The following AZIN2 variants were observed in gnomAD, a reference collection of about 807,000 sequenced individuals.
The protein encoded by AZIN2 is ODC antizyme inhibitor-2.
A neutral mutation model predicts 47.8 loss-of-function variants in AZIN2; 28 were observed. The observed-to-expected ratio is 0.59, with a 90% CI of 0.43 to 0.80. The LOEUF (loss-of-function observed/expected upper bound fraction) is 0.80, where lower values mean the gene tolerates loss of function less well. Ranked by LOEUF, AZIN2 falls within the 30% of genes least tolerant of loss-of-function variation. AZIN2 has a pLI of 0.00. For synonymous variants in AZIN2, 221 were observed against 239.4 expected, an observed-to-expected ratio of 0.92 and a Z score of 0.71; for missense variants, 535 against 582.5, an observed-to-expected ratio of 0.92 and a Z score of 0.84.
rs549621172 is a variant in AZIN2, at chr1:33,106,983, T to C, written c.1029+8804T>C. Among the ~76,000 whole-genome samples the C allele has an allele frequency of 4.6e-5, 7 of 152,310 alleles. No homozygotes were observed. The South Asian group carries it at 1.5e-3, about 32-fold the overall frequency. On this transcript the variant is annotated intron_variant, in intron 10 of 11. Transcript: ENST00000294517. ...TTGTCTCTGTTTGCAGATGACATTA[T>C]CTTATATATAGAAAACTCTAAGGCT...
Position 33,122,459 on chromosome 1 carries a change from A to T in AZIN2, c.*2277A>T, listed in dbSNP as rs1644812898. ...GGCTTACTTGAGGATAATAGTTAAT[A>T]GTCATTTTTTCCCAGTTATTTGTTT... On this transcript the variant is annotated 3_prime_UTR_variant, in exon 12 of 12. Transcript: ENST00000294517. Among the ~76,000 whole-genome samples the T allele has an allele frequency of 6.6e-6, 1 of 152,260 alleles. No individual in the cohort carries two copies. The highest frequency in any genetic ancestry group is 1.5e-5 in the Non-Finnish European group (1 of 68,048).
At chr1:33,129,472 T>A in the AZIN2 span, among the ~76,000 whole-genome samples, 7 of 152,230 alleles carry the variant, frequency 4.6e-5, no homozygotes, top group Non-Finnish European at 1.0e-4. This position sits in a 1 kb window ranked among gnomAD's most constrained non-coding sequence, Gnocchi z 4.1. Context: ...AAATTCTACC[T>A]CATTTTAATG....
chr1:33,117,614 C>A (rs1022492342), intron 10 of AZIN2, among the ~76,000 whole-genome samples: 3 of 152,150 alleles, frequency 2.0e-5, no homozygotes, highest in Admixed American at 6.5e-5. Flanking sequence ...CTGTTGTTAT[C>A]CCCATTTTAC....
At chr1:33,160,080 C>T in the AZIN2 span, 1 of 1,085,890 alleles carries the variant, frequency 9.2e-7, no homozygotes. Context: ...GGAAATGTCA[C>T]ATGCAAAAGC....
chr1:33,100,943 C>T (rs1643635833), intron 10 of AZIN2, among the ~76,000 whole-genome samples: 1 of 151,334 alleles, frequency 6.6e-6, no homozygotes, highest in Non-Finnish European at 1.5e-5. Context: ...CTCACTGCAA[C>T]CTCTGCCTCC....
chr1:33,165,373 AC>A, the AZIN2 span: 22 of 1,150,366 alleles, frequency 1.9e-5, no homozygotes, highest in South Asian at 1.1e-4. The surrounding 1 kb of genome is among the most constrained non-coding windows in gnomAD (Gnocchi z 4.0). Context: ...TTTCCACCGC[AC>A]ACCCGAGGCC....
At chr1:33,083,189 G>A (rs576995520) in intron 4 of AZIN2, 1 of 152,926 alleles carries the variant, frequency 6.5e-6, no homozygotes, top group South Asian at 2.1e-4. Context: ...AGCTCCTTCA[G>A]AACAACAGTA....
At chr1:33,158,483 G>T in the AZIN2 span, 1 of 757,324 alleles carries the variant, frequency 1.3e-6, no homozygotes, top group Admixed American at 2.1e-5. Context: ...TGAGTGAGAA[G>T]TCTGTGGGAC....
At chr1:33,147,685 C>T in the AZIN2 span, 10 of 1,613,360 alleles carry the variant, frequency 6.2e-6, no homozygotes, top group African/African-American at 1.3e-5. The surrounding 1 kb of genome is among the most constrained non-coding windows in gnomAD (Gnocchi z 8.1). Flanking sequence ...CAGGATCAGG[C>T]GCTGGTGGGC....
In AZIN2 at chr1:33,120,146, C is replaced by G; in HGVS notation, c.1347C>G (p.Cys449Trp). The G allele has an allele frequency of 6.2e-7, 1 of 1,613,456 alleles. No individual in the cohort carries two copies. Among genetic ancestry groups the G allele is most frequent in the Non-Finnish European group, 8.5e-7 (1 of 1,179,512 alleles). ...SCGWEITDTL[C>W]VGPVFTPASI... ...GCTGGGAGATCACAGACACCCTGTG[C>G]GTGGGCCCTGTCTTCACCCCAGCGA... The change falls in exon 12 of 12, where the codon TGC becomes TGG. Residue 449 changes from cysteine to tryptophan, a missense_variant. By Grantham distance (215) the Cys-to-Trp change is radical (BLOSUM62 -2). This residue lies in a region of AZIN2 where 122 missense variants were observed against 135.8 expected (regional missense o/e 0.90). Transcript: ENST00000294517.
chr1:33,093,270 G>A lies in AZIN2; in HGVS notation c.453-12G>A, dbSNP rs562369954. 2.6e-5 allele frequency: 42 copies of A among 1,613,702 alleles called. No homozygotes were observed. The highest frequency in any genetic ancestry group is 4.0e-5 in the African/African-American group (3 of 75,008). On this transcript the variant is annotated splice_polypyrimidine_tract_variant and intron_variant, in intron 6 of 11. Coordinates refer to ENST00000294517, the MANE Select transcript of AZIN2 (RefSeq NM_052998.4). Reference sequence around the variant, plus strand: ...GGTTTGTCCAGCAGAGGGGCACTGCGTGTCTCATCAGGATGGTTCTGTGCA... The same window carrying A: ...GGTTTGTCCAGCAGAGGGGCACTGCATGTCTCATCAGGATGGTTCTGTGCA...
intron 8 of AZIN2, among the ~76,000 whole-genome samples, 194 bp from the exon 9 acceptor site, chr1:33,096,513 T>C (rs1173891490): frequency 6.6e-6 from 1 of 152,204 alleles, no homozygotes; most frequent in African/African-American, 2.4e-5. Context: ...CACGAGGCTC[T>C]CTACCCAGCT....
chr1:33,092,732 G>A (rs7354837), intron 6 of AZIN2, among the ~76,000 whole-genome samples: 4,028 of 152,260 alleles, frequency 0.026, 188 homozygotes, highest in African/African-American at 0.091. Context: ...CATGCTATGT[G>A]TAGGGGGTGA....
chr1:33,158,365 G>T, the AZIN2 span: 2 of 1,613,402 alleles, frequency 1.2e-6, no homozygotes, highest in South Asian at 1.1e-5. Flanking sequence ...TTTTTCCCTT[G>T]AGCCTGGAAG....
rs1187936448 is a variant in AZIN2, at chr1:33,122,238, A to G, written c.*2056A>G. 6.6e-6 allele frequency among the ~76,000 whole-genome samples: 1 copy of G among 152,180 alleles called. No homozygotes were observed. The highest frequency in any genetic ancestry group is 1.9e-4 in the East Asian group (1 of 5,186). On this transcript the variant is annotated 3_prime_UTR_variant, in exon 12 of 12. Coordinates refer to ENST00000294517, the MANE Select transcript of AZIN2 (RefSeq NM_052998.4). The stretch of plus-strand genomic sequence containing the variant: ...CTGGGAAGATCTCATGGCTGGCTAC[A>G]GTGAGACCCAGGTGTAGCTGATTCC...
chr1:33,105,216 T>C (rs768211586), intron 10 of AZIN2, among the ~76,000 whole-genome samples: 38 of 152,248 alleles, frequency 2.5e-4, no homozygotes, highest in Non-Finnish European at 4.4e-4. Context: ...TTGTTTTTGA[T>C]TTCTACTTTT....
At chr1:33,146,756 G>C in the AZIN2 span, 1 of 233,300 alleles carries the variant, frequency 4.3e-6, no homozygotes, top group East Asian at 1.0e-4. Flanking sequence ...TCAGGGGTAA[G>C]TCTTAGGCCA....
Position 33,096,811 on chromosome 1 carries a change from T to C in AZIN2, c.858T>C (p.Thr286=). The change falls in exon 9 of 12, where the codon ACT becomes ACC. Residue 286 remains threonine (T), a synonymous_variant. Transcript: ENST00000294517. The part of the protein sequence containing the change: ...LGRYYVTSAF[T]VAVSIIAKKE... ...GCTACTACGTGACCTCGGCCTTCAC[T>C]GTGGCAGTCAGCATCATTGCCAAGA... The C allele has an allele frequency of 3.1e-6, 5 of 1,614,220 alleles. No homozygotes were observed. The highest frequency in any genetic ancestry group is 3.4e-6 in the Non-Finnish European group (4 of 1,180,042).
chr1:33,153,668 G>A, the AZIN2 span, among the ~76,000 whole-genome samples: 2 of 152,116 alleles, frequency 1.3e-5, no homozygotes, highest in Non-Finnish European at 2.9e-5. Flanking sequence ...AGTTGAGAAG[G>A]GAACACTAGC....
Sources: allele counts gnomAD v4.1 joint callset (sites outside exome capture counted in the v4.1 genomes callset), GRCh38; gene constraint gnomAD v4.1.1; regional missense constraint gnomAD v4.1.1; non-coding constraint Gnocchi (gnomAD v3.1); transcripts MANE v1.5; gene names NCBI Gene and HGNC (gene_info 2026-07-23, HGNC 2026-07-21).